KCNH8: variants seen among roughly 807,000 people sequenced by gnomAD.
KCNH8 encodes the protein potassium voltage-gated channel subfamily H member 8, also known as voltage-gated delayed rectifier potassium channel KCNH8.
Under a neutral mutation model 103.6 loss-of-function variants are expected in KCNH8, and 70 were observed. The observed-to-expected ratio is 0.68, with a 90% CI of 0.56 to 0.82. The LOEUF is 0.82. KCNH8 is among the 40% of genes least tolerant of loss of function. The pLI is 0.00. For synonymous variants in KCNH8, 498 were observed against 489.4 expected (o/e 1.02, Z -0.23); for missense variants, 1,217 against 1,329.9 (o/e 0.92, Z 1.32).
At chr3:19,280,927 T>C (rs904990956) in intron 2 of KCNH8, among the ~76,000 whole-genome samples, 1 of 152,064 alleles carries the variant, frequency 6.6e-6, no homozygotes, top group Non-Finnish European at 1.5e-5. Context: ...GAAATGCAGT[T>C]TGAATAATGT....
chr3:19,168,576 G>T lies in KCNH8; in HGVS notation c.76+19781G>T, dbSNP rs562496752. 2.0e-5 allele frequency among the ~76,000 whole-genome samples: 3 copies of T among 152,206 alleles called. No individual in the cohort carries two copies. The East Asian group carries it at 5.8e-4, about 29-fold the overall frequency. On this transcript the variant is annotated intron_variant, in intron 1 of 15. Transcript: ENST00000328405. ...CTCTCAGGACTTGCAGGTCTCAAGG[G>T]CTAAGATGATTTGTCTGAGCAAATG...
At chr3:19,419,440 T>TCCGCCC (rs1489429884) in intron 7 of KCNH8, among the ~76,000 whole-genome samples, 1 of 151,812 alleles carries the variant, frequency 6.6e-6, no homozygotes, top group Admixed American at 6.6e-5. Context: ...GACCTCGTGA[T>TCCGCCC]CCGCCCGCCT....
intron 3 of KCNH8, among the ~76,000 whole-genome samples, chr3:19,323,154 A>G (rs2065373148): frequency 6.6e-6 from 1 of 152,104 alleles, no homozygotes; most frequent in South Asian, 2.1e-4. Flanking sequence ...GATTGGCTTA[A>G]TAATTGGCTT....
At chr3:19,300,301 T>C (rs1208779964) in intron 3 of KCNH8, among the ~76,000 whole-genome samples, 2 of 151,216 alleles carry the variant, frequency 1.3e-5, no homozygotes, top group East Asian at 1.9e-4. Flanking sequence ...GTTATATAAG[T>C]ATGGCAAAAT....
At chr3:19,531,008 A>T (rs969822892) in intron 15 of KCNH8, among the ~76,000 whole-genome samples, 1 of 152,246 alleles carries the variant, frequency 6.6e-6, no homozygotes, top group Non-Finnish European at 1.5e-5. Context: ...CACATTGTAT[A>T]AATTTACAAA....
intron 3 of KCNH8, among the ~76,000 whole-genome samples, chr3:19,308,048 T>G (rs1329307151): frequency 6.6e-6 from 1 of 151,872 alleles, no homozygotes; most frequent in African/African-American, 2.4e-5. Context: ...AAGACGACAT[T>G]GAATGTTCCT....
chr3:19,468,244 T>C (rs2067783757), intron 11 of KCNH8, among the ~76,000 whole-genome samples: 1 of 152,230 alleles, frequency 6.6e-6, no homozygotes, highest in Non-Finnish European at 1.5e-5. Context: ...GGTCAGAGCC[T>C]AATGCAGAGT....
At chr3:19,477,957 C>T (rs2068010550) in intron 11 of KCNH8, among the ~76,000 whole-genome samples, 1 of 152,030 alleles carries the variant, frequency 6.6e-6, no homozygotes, top group South Asian at 2.1e-4. Flanking sequence ...TCTATTATTC[C>T]ACTCTGTATG....
intron 5 of KCNH8, among the ~76,000 whole-genome samples, chr3:19,349,136 T>C (rs1366660691): frequency 6.6e-6 from 1 of 152,086 alleles, no homozygotes; most frequent in Non-Finnish European, 1.5e-5. Flanking sequence ...TAGATGGCAA[T>C]GTTGTCTAGT....
At chr3:19,175,977 A>C (rs770247483) in intron 1 of KCNH8, among the ~76,000 whole-genome samples, 6 of 152,222 alleles carry the variant, frequency 3.9e-5, no homozygotes, top group Non-Finnish European at 8.8e-5. Flanking sequence ...GTGGGAGTTT[A>C]GGATCAATTT....
chr3:19,513,008 C>A lies in KCNH8; in HGVS notation c.2118C>A (p.Leu706=). ...PKGNGNINKR[L]PSIVEDEEEE... Reference sequence around the variant, plus strand: ...GAAATGGCAACATCAACAAGCGACTCCCATCCATTGTGGAAGATGAGGAAG... The same window carrying A: ...GAAATGGCAACATCAACAAGCGACTACCATCCATTGTGGAAGATGAGGAAG... Residue 706 remains leucine (L), a synonymous_variant, in exon 13 of 16, where the codon CTC becomes CTA. Coordinates refer to ENST00000328405, the MANE Select transcript of KCNH8 (RefSeq NM_144633.3). 1 of 1,613,528 alleles carries A rather than the reference C, an allele frequency of 6.2e-7. No individual in the cohort carries two copies. The highest frequency in any genetic ancestry group is 8.5e-7 in the Non-Finnish European group (1 of 1,179,764).
Position 19,395,117 on chromosome 3 carries a change from A to G in KCNH8, c.983A>G (p.His328Arg), listed in dbSNP as rs1381952851. The G allele has an allele frequency of 1.9e-6, 3 of 1,611,910 alleles. No individual in the cohort carries two copies. The Admixed American group carries it at 5.0e-5, about 27-fold the overall frequency. ...AFNVTVVSLV[H>R]LLKTVRLLRL... ...CTCTTACCACAGGTGTCTCTCGTGC[A>G]TCTTCTAAAGACAGTGCGCCTCTTG... Residue 328 changes from histidine (H) to arginine (R), a missense_variant, in exon 7 of 16, where the codon CAT (histidine) becomes CGT (arginine). Physicochemically the swap from His to Arg is conservative, Grantham distance 29. This residue lies in a region of KCNH8 where 415 missense variants were observed against 577.4 expected (regional missense o/e 0.72). Coordinates refer to ENST00000328405, the MANE Select transcript of KCNH8 (RefSeq NM_144633.3).
intron 5 of KCNH8, among the ~76,000 whole-genome samples, chr3:19,357,743 A>G (rs540998855): frequency 9.2e-5 from 14 of 152,052 alleles, no homozygotes; most frequent in Non-Finnish European, 2.1e-4. Context: ...TGTCAAAAGT[A>G]ACATGATATG....
At chr3:19,483,027 T>C (rs1431059874) in intron 11 of KCNH8, among the ~76,000 whole-genome samples, 3 of 151,566 alleles carry the variant, frequency 2.0e-5, no homozygotes, top group Non-Finnish European at 4.4e-5. Context: ...TGATTTTTTT[T>C]CAGGGGGCTA....
At chr3:19,533,077 G>A (rs1044556362) in intron 15 of KCNH8, among the ~76,000 whole-genome samples, 11 of 151,970 alleles carry the variant, frequency 7.2e-5, no homozygotes, top group East Asian at 3.9e-4. Context: ...TGTGGTGGGC[G>A]CCTGTAGTCC....
intron 1 of KCNH8, among the ~76,000 whole-genome samples, chr3:19,203,554 A>G (rs1212292527): frequency 6.6e-6 from 1 of 152,090 alleles, no homozygotes; most frequent in Non-Finnish European, 1.5e-5. Flanking sequence ...ACAATTTCTA[A>G]TATGTTATTC....
At chr3:19,362,109 GA>G (rs2065954562) in intron 5 of KCNH8, among the ~76,000 whole-genome samples, 1 of 152,094 alleles carries the variant, frequency 6.6e-6, no homozygotes, top group Non-Finnish European at 1.5e-5. Flanking sequence ...TGTAGGGGAG[GA>G]AAATCTTCCT....
At chr3:19,223,337 C>T (rs1041602201) in intron 1 of KCNH8, among the ~76,000 whole-genome samples, 2 of 152,134 alleles carry the variant, frequency 1.3e-5, no homozygotes, top group African/African-American at 4.8e-5. Context: ...TGCAGACTGA[C>T]ATTTTTGTCT....
chr3:19,507,325 CTCAGAGCCAGTA>C (rs1365790836), intron 11 of KCNH8, among the ~76,000 whole-genome samples: 1 of 152,132 alleles, frequency 6.6e-6, no homozygotes, highest in African/African-American at 2.4e-5. Flanking sequence ...ACCAGGGAAC[CTCAGAGCCAGTA>C]TCAGTGGGTG....
Sources: gnomAD v4.1 joint callset for allele counts (sites outside exome capture counted in the v4.1 genomes callset) on GRCh38, gnomAD v4.1.1 for gene constraint, gnomAD v4.1.1 regional missense constraint, MANE v1.5 for transcripts, NCBI Gene and HGNC (gene_info 2026-07-23, HGNC 2026-07-21) for gene names.